Variants in MYOF observed in about 807,000 individuals in gnomAD.
MYOF encodes the protein fer-1-like 3, myoferlin.
MYOF carries 244 observed loss-of-function variants against 284.2 expected under a neutral mutation model. The ratio of observed to expected loss-of-function variants is 0.86; its 90% CI spans 0.77 to 0.95. MYOF has a LOEUF of 0.95. MYOF is among the 40% of genes least tolerant of loss of function. The pLI is 0.00. For missense variants in MYOF, 2,496 were observed against 2,560.6 expected (o/e 0.97, Z 0.54); for synonymous variants, 904 against 919.7 (o/e 0.98, Z 0.31).
chr10:93,462,719 C>T (rs981643233), intron 1 of MYOF, among the ~76,000 whole-genome samples: 21 of 150,672 alleles, frequency 1.4e-4, no homozygotes, highest in African/African-American at 5.1e-4. Context: ...AACCTATTCT[C>T]ACACATAAAC....
chr10:93,454,926 A>G (rs1048786861), intron 2 of MYOF, among the ~76,000 whole-genome samples: 7 of 148,416 alleles, frequency 4.7e-5, no homozygotes, highest in African/African-American at 1.7e-4. Flanking sequence ...CTGTAGTAAG[A>G]TATGATTACA....
At chr10:93,450,689 C>A (rs893751175) in intron 3 of MYOF, among the ~76,000 whole-genome samples, 7 of 152,196 alleles carry the variant, frequency 4.6e-5, no homozygotes, top group Non-Finnish European at 8.8e-5. Context: ...GCAATCAGAG[C>A]ATGTGACCAC....
intron 1 of MYOF, among the ~76,000 whole-genome samples, chr10:93,480,519 A>G (rs1035786139): frequency 1.8e-5 from 2 of 109,616 alleles, no homozygotes; most frequent in Non-Finnish European, 3.3e-5. Context: ...TCTGTTGCCC[A>G]GGTTGGAGTG....
chr10:93,345,850 A>G (rs1238807481), intron 37 of MYOF, among the ~76,000 whole-genome samples: 1 of 152,154 alleles, frequency 6.6e-6, no homozygotes, highest in African/African-American at 2.4e-5. Context: ...CACACTCTAC[A>G]TTGATTACAT....
rs766831576 is a variant in MYOF at position 93,373,009 on chromosome 10, G to A, written c.2378C>T (p.Ala793Val). The A allele has an allele frequency of 4.3e-6, 7 of 1,614,020 alleles. No homozygotes were observed. The highest frequency in any genetic ancestry group is 4.2e-6 in the Non-Finnish European group (5 of 1,180,014). The change falls in exon 24 of 54, where the codon GCA (alanine) becomes GTA (valine). Residue 793 changes from alanine to valine, a missense_variant. Coordinates refer to ENST00000359263, the MANE Select transcript of MYOF (RefSeq NM_013451.4). ...ACTGGTGGAGTACAAGACCTGATGTGCGGGAATTCGTGCATAGGCCAGTCT... is the reference window on the plus strand; with the variant it reads ...ACTGGTGGAGTACAAGACCTGATGTACGGGAATTCGTGCATAGGCCAGTCT... ...EKRLAYARIP[A>V]HQVLYSTSGE...
At position 93,447,711 on chromosome 10, in the gene MYOF, A is replaced by G. The variant is rs1292775209; in HGVS notation, c.236+4339T>C. ...TAGTCTCAAAGTGTGACGTTTCTCT[A>G]TAACTCACTTGGTTACAACAAACTC... On this transcript the variant is annotated intron_variant, in intron 3 of 53. Coordinates refer to ENST00000359263, the MANE Select transcript of MYOF (RefSeq NM_013451.4). Among the ~76,000 whole-genome samples the G allele has an allele frequency of 2.0e-5, 3 of 152,140 alleles. No homozygotes were observed. In the East Asian group the frequency reaches 5.8e-4, roughly 29 times the overall value.
At chr10:93,405,170 T>C (rs1351883047) in intron 7 of MYOF, among the ~76,000 whole-genome samples, 3 of 152,192 alleles carry the variant, frequency 2.0e-5, no homozygotes, top group African/African-American at 4.8e-5. Flanking sequence ...ATCATGACAC[T>C]TCACCCCTTC....
At chr10:93,352,687 G>T (rs547100402) in intron 32 of MYOF, among the ~76,000 whole-genome samples, 2 of 152,360 alleles carry the variant, frequency 1.3e-5, no homozygotes, top group Admixed American at 1.3e-4. Flanking sequence ...GTTTCTAGCA[G>T]TGGAGCCATC....
intron 25 of MYOF, among the ~76,000 whole-genome samples, chr10:93,369,436 A>T (rs1845486181): frequency 6.6e-6 from 1 of 152,130 alleles, no homozygotes; most frequent in South Asian, 2.1e-4. Context: ...CAAAAGTGTT[A>T]ATCACCATGG....
chr10:93,372,692 G>A (rs1211643643), intron 24 of MYOF, among the ~76,000 whole-genome samples: 2 of 152,184 alleles, frequency 1.3e-5, no homozygotes, highest in Non-Finnish European at 2.9e-5. Context: ...CATTCACAAT[G>A]CCATGTTTAT....
At chr10:93,470,500 G>T (rs974145221) in intron 1 of MYOF, among the ~76,000 whole-genome samples, 1 of 151,672 alleles carries the variant, frequency 6.6e-6, no homozygotes, top group Non-Finnish European at 1.5e-5. Flanking sequence ...TCCCAGGTTC[G>T]AGCCATTCTC....
intron 1 of MYOF, among the ~76,000 whole-genome samples, chr10:93,468,686 A>G: frequency 6.6e-6 from 1 of 152,134 alleles, no homozygotes; most frequent in East Asian, 1.9e-4. Context: ...CTTTCACTGG[A>G]ATTTTGGGCC....
intron 29 of MYOF, among the ~76,000 whole-genome samples, chr10:93,358,658 A>G (rs1465105011): frequency 1.3e-5 from 2 of 152,178 alleles, no homozygotes; most frequent in Non-Finnish European, 2.9e-5. Context: ...AGGGACATGG[A>G]TGGAGCTGGA....
chr10:93,476,279 G>A (rs1281595444), intron 1 of MYOF, among the ~76,000 whole-genome samples: 3 of 114,974 alleles, frequency 2.6e-5, no homozygotes, highest in African/African-American at 7.0e-5. Flanking sequence ...TTTAGATGGA[G>A]TCTGGCTTTG....
chr10:93,404,125 T>G (rs752484330), intron 8 of MYOF, 32 bp downstream of exon 8: 8 of 1,613,876 alleles, frequency 5.0e-6, no homozygotes, highest in Non-Finnish European at 6.8e-6. Flanking sequence ...TGGCAGTGAG[T>G]GAGCAGTACC....
Position 93,351,217 on chromosome 10 carries a change from C to T in MYOF, c.3901G>A (p.Val1301Ile). Residue 1301 changes from valine to isoleucine, a missense_variant, in exon 35 of 54, where the codon GTC (valine) becomes ATC (isoleucine). By Grantham distance (29) the Val-to-Ile change is conservative. This residue lies in a region of MYOF where 2,436 missense variants were observed against 2,480.7 expected (regional missense o/e 0.98). Transcript: ENST00000359263. ...CATACCTCAATGGCAGTGAGCTGGA[C>T]CACAGGCCTGATCCCCTGGGGGACC... ...YMVPQGIRPV[V>I]QLTAIEILAW... The T allele has an allele frequency of 6.2e-7, 1 of 1,614,140 alleles. No individual in the cohort carries two copies. Among genetic ancestry groups the T allele is most frequent in the Non-Finnish European group, 8.5e-7 (1 of 1,180,024 alleles).
At chr10:93,421,421 T>C (rs1363287896) in intron 5 of MYOF, among the ~76,000 whole-genome samples, 1 of 152,206 alleles carries the variant, frequency 6.6e-6, no homozygotes, top group African/African-American at 2.4e-5. Flanking sequence ...GGGGTTGCAG[T>C]AGGTGCTCAA....
At chr10:93,308,879 T>G (rs1842256196) in intron 53 of MYOF, among the ~76,000 whole-genome samples, 1 of 152,046 alleles carries the variant, frequency 6.6e-6, no homozygotes, top group South Asian at 2.1e-4. Flanking sequence ...ACCCAACTAA[T>G]TTTTGTATTT....
At chr10:93,437,345 T>C (rs900232956) in intron 3 of MYOF, among the ~76,000 whole-genome samples, 4 of 152,178 alleles carry the variant, frequency 2.6e-5, no homozygotes, top group African/African-American at 9.7e-5. Context: ...TTCTCCCCTT[T>C]AGCACGGCGC....
Sources: gnomAD v4.1 joint callset for allele counts (sites outside exome capture counted in the v4.1 genomes callset) on GRCh38, gnomAD v4.1.1 for gene constraint, gnomAD v4.1.1 regional missense constraint, MANE v1.5 for transcripts, NCBI Gene and HGNC (gene_info 2026-07-23, HGNC 2026-07-21) for gene names.